FANCC: variants seen among roughly 807,000 people sequenced by gnomAD.
FANCC encodes Fanconi anemia group C protein.
Under a neutral mutation model 71.3 loss-of-function variants are expected in FANCC, and 55 were observed. The observed-to-expected ratio is 0.77, with a 90% CI of 0.62 to 0.97. The LOEUF (loss-of-function observed/expected upper bound fraction) is 0.97, where lower values mean the gene tolerates loss of function less well. Ranked by LOEUF, FANCC falls within the 50% of genes least tolerant of loss-of-function variation. The pLI is 0.00. For synonymous variants in FANCC, 275 were observed against 244.9 expected (o/e 1.12, Z -1.15); for missense variants, 678 against 670.9 (o/e 1.01, Z -0.12).
At chr9:95,235,844 CAA>C (rs10666439) in intron 4 of FANCC, among the ~76,000 whole-genome samples, 3 of 36,226 alleles carry the variant, frequency 8.3e-5, no homozygotes, top group East Asian at 1.1e-3. Flanking sequence ...AACTCCACCT[CAA>C]AAAAAAAAAA....
intron 4 of FANCC, among the ~76,000 whole-genome samples, chr9:95,175,126 A>G (rs1484742057): frequency 6.6e-6 from 1 of 152,006 alleles, no homozygotes; most frequent in African/African-American, 2.4e-5. Context: ...TCTCCCTGTG[A>G]GCTCACCCCT....
At chr9:95,110,054 TG>T (rs1224192596) in intron 13 of FANCC, among the ~76,000 whole-genome samples, 1 of 152,018 alleles carries the variant, frequency 6.6e-6, no homozygotes, top group Non-Finnish European at 1.5e-5. Flanking sequence ...TGTGACAGAA[TG>T]GGGGGAAGGG....
At chr9:95,245,304 C>T (rs1226423827) in intron 3 of FANCC, among the ~76,000 whole-genome samples, 3 of 152,018 alleles carry the variant, frequency 2.0e-5, no homozygotes, top group Non-Finnish European at 4.4e-5. Flanking sequence ...GAACACCATT[C>T]ACTATGAACA....
chr9:95,262,121 T>C (rs1292525429), intron 1 of FANCC, among the ~76,000 whole-genome samples: 1 of 152,044 alleles, frequency 6.6e-6, no homozygotes, highest in Non-Finnish European at 1.5e-5. Flanking sequence ...CAGGGGCTCA[T>C]GGTCTGAGTC....
intron 4 of FANCC, among the ~76,000 whole-genome samples, chr9:95,207,836 C>T (rs1722273024): frequency 2.0e-5 from 3 of 152,172 alleles, no homozygotes; most frequent in Admixed American, 2.0e-4. Flanking sequence ...AATTTTACTT[C>T]ATCCTAAGGA....
chr9:95,313,789 G>A (rs1454896978), intron 1 of FANCC, among the ~76,000 whole-genome samples: 1 of 152,166 alleles, frequency 6.6e-6, no homozygotes, highest in Non-Finnish European at 1.5e-5. Flanking sequence ...AGAATGCAAG[G>A]TTAGTATAAA....
intron 4 of FANCC, among the ~76,000 whole-genome samples, chr9:95,220,020 G>GA (rs1009569822): frequency 2.6e-5 from 4 of 151,996 alleles, no homozygotes; most frequent in Non-Finnish European, 2.9e-5. Context: ...AAATTTACAA[G>GA]AAAAAAATCA....
intron 4 of FANCC, among the ~76,000 whole-genome samples, chr9:95,182,375 C>A (rs1826429333): frequency 6.6e-6 from 1 of 152,088 alleles, no homozygotes; most frequent in South Asian, 2.1e-4. Context: ...AAAAAATTAG[C>A]TGGGCATGGT....
At position 95,101,407 on chromosome 9, in the gene FANCC, C is replaced by T. The variant is rs1287475497; in HGVS notation, c.*300G>A. On this transcript the variant is annotated 3_prime_UTR_variant, in exon 15 of 15. Transcript: ENST00000289081. ...TGGGTAAAAACTAGAAACCTGTTCT[C>T]CCACCCAGGCCTTTGCTTTAGTAAT... 1 of 461,386 alleles carries T rather than the reference C, an allele frequency of 2.2e-6. No individual in the cohort carries two copies. Among genetic ancestry groups the T allele is most frequent in the African/African-American group, 1.9e-5 (1 of 52,050 alleles). 28.6% of individuals were successfully genotyped at this position (461,386 alleles called of 1,614,324 possible). A position where few individuals can be genotyped will look rare whatever the true frequency, so the allele number is the denominator to read the frequency against.
intron 1 of FANCC, among the ~76,000 whole-genome samples, chr9:95,269,031 T>A (rs1195374509): frequency 6.6e-6 from 1 of 152,166 alleles, no homozygotes; most frequent in Non-Finnish European, 1.5e-5. Context: ...AGGGATGAAC[T>A]CCACATCATT....
chr9:95,199,137 A>C (rs1827646041), intron 4 of FANCC, among the ~76,000 whole-genome samples: 1 of 152,174 alleles, frequency 6.6e-6, no homozygotes, highest in Non-Finnish European at 1.5e-5. Context: ...TGTTATTAAA[A>C]ACCGGTGTTG....
At chr9:95,118,507 C>G (rs536312177) in intron 10 of FANCC, among the ~76,000 whole-genome samples, 12 of 152,320 alleles carry the variant, frequency 7.9e-5, no homozygotes, top group South Asian at 2.1e-4. Flanking sequence ...ATCCATGTGA[C>G]CACCACCCCA....
chr9:95,167,246 T>C (rs1167107852), intron 6 of FANCC, among the ~76,000 whole-genome samples: 1 of 152,200 alleles, frequency 6.6e-6, no homozygotes, highest in Non-Finnish European at 1.5e-5. Context: ...TTCAAGATTA[T>C]GTCTTTAACT....
At chr9:95,274,136 T>A (rs529675277) in intron 1 of FANCC, among the ~76,000 whole-genome samples, 1 of 152,222 alleles carries the variant, frequency 6.6e-6, no homozygotes, top group Admixed American at 6.6e-5. Flanking sequence ...CAACCCGTCA[T>A]CTACGTTAGG....
intron 1 of FANCC, among the ~76,000 whole-genome samples, chr9:95,286,874 A>T (rs773316059): frequency 6.6e-6 from 1 of 152,194 alleles, no homozygotes; most frequent in Non-Finnish European, 1.5e-5. Context: ...ATCTTTATAA[A>T]TCATCTTAAA....
intron 4 of FANCC, among the ~76,000 whole-genome samples, chr9:95,214,167 C>G (rs1203954617): frequency 6.6e-6 from 1 of 152,218 alleles, no homozygotes; most frequent in African/African-American, 2.4e-5. Flanking sequence ...GTGGCTCACA[C>G]TGGTAACCCC....
At chr9:95,129,956 A>T (rs1461536944) in intron 8 of FANCC, among the ~76,000 whole-genome samples, 1 of 152,118 alleles carries the variant, frequency 6.6e-6, no homozygotes, top group Non-Finnish European at 1.5e-5. Context: ...TGCATTGTTT[A>T]TCTCCCCTCC....
At chr9:95,162,316 C>T (rs1356105878) in intron 6 of FANCC, among the ~76,000 whole-genome samples, 2 of 152,182 alleles carry the variant, frequency 1.3e-5, no homozygotes, top group Non-Finnish European at 2.9e-5. Context: ...AATAATCTTC[C>T]AATGTGTATA....
At chr9:95,248,582 T>C (rs1369289398) in intron 2 of FANCC, among the ~76,000 whole-genome samples, 7 of 152,112 alleles carry the variant, frequency 4.6e-5, no homozygotes, top group African/African-American at 1.4e-4. Flanking sequence ...TAGCTCATAA[T>C]ATAACAACAT....
Sources: gnomAD v4.1 joint callset for allele counts (sites outside exome capture counted in the v4.1 genomes callset) on GRCh38, gnomAD v4.1.1 for gene constraint, MANE v1.5 for transcripts, NCBI Gene and HGNC (gene_info 2026-07-23, HGNC 2026-07-21) for gene names.